IGF2R: variants seen among roughly 807,000 people sequenced by gnomAD.
IGF2R encodes the protein cation-independent mannose-6-phosphate receptor.
In IGF2R, 91 loss-of-function variants were observed where a neutral mutation model predicts 270.6. That is an observed-to-expected ratio of 0.34 (90% CI 0.28 to 0.40). The LOEUF (loss-of-function observed/expected upper bound fraction) is 0.40. Ranked by LOEUF, IGF2R falls within the 10% of genes least tolerant of loss-of-function variation. The probability of loss-of-function intolerance (pLI) is 1.00; values close to 1 mark genes in which losing one functional copy is unlikely to be tolerated. For synonymous variants in IGF2R, 1,316 were observed against 1,258.9 expected (o/e 1.05, Z -0.96); for missense variants, 2,805 against 3,188.3 (o/e 0.88, Z 2.90).
chr6:160,032,470 A>C (rs1172378955), intron 7 of IGF2R, 81 bp from the exon 8 acceptor site: 1 of 1,312,236 alleles, frequency 7.6e-7, no homozygotes, highest in Non-Finnish European at 1.1e-6. Flanking sequence ...CCTGTCTTTG[A>C]GCTTTTCATA....
At chr6:160,051,104 A>G (rs2115252068) in intron 19 of IGF2R, among the ~76,000 whole-genome samples, 1 of 152,346 alleles carries the variant, frequency 6.6e-6, no homozygotes. Context: ...TGACGTGCAT[A>G]GCACCGGGGA....
rs768450906 is a variant in IGF2R at position 160,102,619 on chromosome 6, G to A, written c.6943G>A (p.Val2315Met). ...CGGCGCGGTGCTCAGCCTGCTGCTG[G>A]TGGCGCTCACCTGCTGCCTGCTGGC... ...AVGAVLSLLL[V>M]ALTCCLLALL... is the part of the protein sequence containing the mutation. Residue 2315 changes from valine (V) to methionine (M), a missense_variant, in exon 46 of 48, where the codon GTG becomes ATG. This residue lies in a region of IGF2R where 1,851 missense variants were observed against 2,207.2 expected (regional missense o/e 0.84). Transcript: ENST00000356956. The surrounding 1 kb of genome is among the most constrained non-coding windows in gnomAD (Gnocchi z 4.5). 3 of 1,613,412 alleles carry A rather than the reference G, an allele frequency of 1.9e-6. No homozygotes were observed. Among genetic ancestry groups the A allele is most frequent in the African/African-American group, 1.3e-5 (1 of 75,062 alleles).
At chr6:160,034,717 G>GAC (rs969627388) in intron 10 of IGF2R, among the ~76,000 whole-genome samples, 195 bp downstream of exon 10, 24 of 152,106 alleles carry the variant, frequency 1.6e-4, no homozygotes, top group African/African-American at 3.4e-4. Context: ...TGCCCCAGTG[G>GAC]ACACACACAC....
chr6:159,973,287 C>T (rs1460716602), intron 1 of IGF2R, among the ~76,000 whole-genome samples: 1 of 152,166 alleles, frequency 6.6e-6, no homozygotes, highest in Non-Finnish European at 1.5e-5. Flanking sequence ...ATGTAATATG[C>T]AAGTTTCCAC....
At position 160,029,081 on chromosome 6, in the gene IGF2R, C is replaced by G. The variant is rs539659830; in HGVS notation, c.777-469C>G. On this transcript the variant is annotated intron_variant, in intron 6 of 47. Coordinates refer to ENST00000356956, the MANE Select transcript of IGF2R (RefSeq NM_000876.4). Reference sequence around the variant, plus strand: ...TCACTGCAACCTCCGCCTCCCTGTTCAAGTGATTCTCCTGCCTCAGCCTCC... The same window carrying G: ...TCACTGCAACCTCCGCCTCCCTGTTGAAGTGATTCTCCTGCCTCAGCCTCC... 4.3e-4 allele frequency among the ~76,000 whole-genome samples: 66 copies of G among 152,252 alleles called. 3 individuals are homozygous for G. The South Asian group carries it at 0.013, about 31-fold the overall frequency.
intron 1 of IGF2R, among the ~76,000 whole-genome samples, chr6:159,976,978 T>G (rs1396714584): frequency 6.6e-6 from 1 of 152,238 alleles, no homozygotes; most frequent in African/African-American, 2.4e-5. Context: ...TTATTATTTG[T>G]ATCTGGCTGC....
At position 159,991,246 on chromosome 6, in the gene IGF2R, G is replaced by A; in HGVS notation, c.212G>A (p.Ser71Asn). Residue 71 changes from serine to asparagine, a missense_variant, in exon 2 of 48, where the codon AGT becomes AAT. This residue lies in a region of IGF2R where 954 missense variants were observed against 981.1 expected (regional missense o/e 0.97). Transcript: ENST00000356956. ...CTTTATAAAATCAACATCTGTGGAAGTGTGGATATTGTCCAGTGCGGGCCA... is the reference window on the plus strand; with the variant it reads ...CTTTATAAAATCAACATCTGTGGAAATGTGGATATTGTCCAGTGCGGGCCA... ...NVLYKINICG[S>N]VDIVQCGPSS... 6.2e-7 allele frequency: 1 copy of A among 1,613,754 alleles called. No homozygotes were observed. The highest frequency in any genetic ancestry group is 2.2e-5 in the East Asian group (1 of 44,878).
chr6:160,035,092 T>C (rs1035752754), intron 10 of IGF2R, among the ~76,000 whole-genome samples: 10 of 152,136 alleles, frequency 6.6e-5, no homozygotes, highest in Admixed American at 3.9e-4. Flanking sequence ...TCTTGACGAT[T>C]GTAGACACAG....
At chr6:160,099,348 T>C (rs1404376629) in intron 45 of IGF2R, among the ~76,000 whole-genome samples, 1 of 151,750 alleles carries the variant, frequency 6.6e-6, no homozygotes. Flanking sequence ...TATGTTATGT[T>C]ATGTTATGTT....
At chr6:160,090,401 A>C (rs1180817012) in intron 44 of IGF2R, 3 of 206,322 alleles carry the variant, frequency 1.5e-5, no homozygotes, top group African/African-American at 6.9e-5. Flanking sequence ...GCACAGTCAG[A>C]ATTGCCTTTG....
intron 19 of IGF2R, among the ~76,000 whole-genome samples, chr6:160,054,655 T>C (rs372727140): frequency 6.6e-6 from 1 of 152,218 alleles, no homozygotes; most frequent in African/African-American, 2.4e-5. Flanking sequence ...AATGCAATTT[T>C]TAAGTTTCTC....
chr6:160,072,190 C>G (rs1778756509), intron 32 of IGF2R, among the ~76,000 whole-genome samples, 154 bp downstream of exon 32: 1 of 152,192 alleles, frequency 6.6e-6, no homozygotes, highest in Admixed American at 6.5e-5. Context: ...TGGCCTTTCT[C>G]TGGATGGGCT....
chr6:160,013,884 T>C (rs1777208245), intron 4 of IGF2R, among the ~76,000 whole-genome samples: 1 of 152,218 alleles, frequency 6.6e-6, no homozygotes, highest in African/African-American at 2.4e-5. Flanking sequence ...CCTTACAGGC[T>C]TGGTATGATA....
chr6:160,062,689 A>C (rs1335230401), intron 26 of IGF2R, 70 bp downstream of exon 26: 2 of 1,092,964 alleles, frequency 1.8e-6, no homozygotes, highest in African/African-American at 3.1e-5. Flanking sequence ...ACGATGCCTT[A>C]GATATGAGAC....
At chr6:160,034,318 G>T in intron 9 of IGF2R, 101 bp from the exon 10 acceptor site, 1 of 697,900 alleles carries the variant, frequency 1.4e-6, no homozygotes, top group Admixed American at 2.1e-5. Context: ...GTAGTGATTT[G>T]TTGATGCTAC....
chr6:160,063,282 C>T (rs1275042349), intron 26 of IGF2R, 133 bp from the exon 27 acceptor site: 7 of 679,210 alleles, frequency 1.0e-5, no homozygotes, highest in Middle Eastern at 4.3e-4. Context: ...AGTAATCCAC[C>T]CGCCTCAGCC....
intron 6 of IGF2R, among the ~76,000 whole-genome samples, chr6:160,027,850 C>T (rs974664473): frequency 6.6e-6 from 1 of 152,178 alleles, no homozygotes; most frequent in African/African-American, 2.4e-5. Flanking sequence ...TTGCACATGA[C>T]CATATCCTGA....
At chr6:160,015,927 C>G (rs1450255292) in intron 4 of IGF2R, among the ~76,000 whole-genome samples, 2 of 152,192 alleles carry the variant, frequency 1.3e-5, no homozygotes, top group Non-Finnish European at 2.9e-5. Flanking sequence ...GTGAGATATG[C>G]TTGCTCCCAC....
rs1315531068 is a variant in IGF2R, at chr6:160,080,190, G to A, written c.5748G>A (p.Glu1916=). 1 of 1,614,198 alleles carries A rather than the reference G, an allele frequency of 6.2e-7. No individual in the cohort carries two copies. Among genetic ancestry groups the A allele is most frequent in the Admixed American group, 1.7e-5 (1 of 60,028 alleles). ...TATTCAATGGGAAGAGCTACGAGGA[G>A]TGCATCATAGAGAGCAGGGCGAAGC... is the stretch of plus-strand genomic sequence containing the variant. ...PFIFNGKSYE[E]CIIESRAKLW... The change falls in exon 39 of 48, where the codon GAG becomes GAA. Residue 1916 remains glutamate (E), a synonymous_variant. Transcript: ENST00000356956.
Sources: allele counts gnomAD v4.1 joint callset (sites outside exome capture counted in the v4.1 genomes callset), GRCh38; gene constraint gnomAD v4.1.1; regional missense constraint gnomAD v4.1.1; non-coding constraint Gnocchi (gnomAD v3.1); transcripts MANE v1.5; gene names NCBI Gene and HGNC (gene_info 2026-07-23, HGNC 2026-07-21).